Variants in PARD3B observed in about 807,000 individuals in gnomAD.
PARD3B encodes the protein par-3 family cell polarity regulator beta, also known as partitioning defective 3 homolog B.
A neutral mutation model predicts 130.2 loss-of-function variants in PARD3B; 103 were observed. The ratio of observed to expected loss-of-function variants is 0.79; its 90% CI spans 0.67 to 0.93. PARD3B has a LOEUF of 0.93. Ranked by LOEUF, PARD3B falls within the 40% of genes least tolerant of loss-of-function variation. The probability of loss-of-function intolerance (pLI) is 0.00; values close to 1 mark genes in which losing one functional copy is unlikely to be tolerated. For missense variants in PARD3B, 1,609 were observed against 1,499.2 expected, an observed-to-expected ratio of 1.07 and a Z score of -1.21; for synonymous variants, 583 against 553.2, an observed-to-expected ratio of 1.05 and a Z score of -0.76.
chr2:205,392,289 G>A (rs920630767), intron 18 of PARD3B, among the ~76,000 whole-genome samples: 3 of 152,246 alleles, frequency 2.0e-5, no homozygotes, highest in East Asian at 3.9e-4. Context: ...CAACATATTT[G>A]AGATCTGAAG....
chr2:205,009,242 C>T (rs540152261), intron 3 of PARD3B, among the ~76,000 whole-genome samples: 76 of 151,860 alleles, frequency 5.0e-4, no homozygotes, highest in South Asian at 8.3e-4. Flanking sequence ...GACTAGAGTT[C>T]GAAATGTTTT....
intron 2 of PARD3B, among the ~76,000 whole-genome samples, chr2:204,944,369 G>A (rs191826378): frequency 1.1e-4 from 16 of 152,154 alleles, no homozygotes; most frequent in Admixed American, 7.2e-4. Context: ...CCCAGCTCCC[G>A]CTAGGATACC....
intron 15 of PARD3B, among the ~76,000 whole-genome samples, chr2:205,209,480 T>A (rs1271566900): frequency 6.6e-6 from 1 of 152,098 alleles, no homozygotes; most frequent in Non-Finnish European, 1.5e-5. Flanking sequence ...AACAAAATAC[T>A]TAAGTTCTCC....
At position 205,121,561 on chromosome 2, in the gene PARD3B, T is replaced by G. The variant is rs781175498; in HGVS notation, c.807-30T>G. ...GAAGATGCTGCACCTCAAAGCAGGG[T>G]CATCATACATTTATCAACTTTCTTT... On this transcript the variant is annotated intron_variant, in intron 7 of 22. Coordinates refer to ENST00000406610, the MANE Select transcript of PARD3B (RefSeq NM_001302769.2). This position sits in a 1 kb window ranked among gnomAD's most constrained non-coding sequence, Gnocchi z 5.0. 1 of 1,588,554 alleles carries G rather than the reference T, an allele frequency of 6.3e-7. No individual in the cohort carries two copies. Among genetic ancestry groups the G allele is most frequent in the South Asian group, 1.1e-5 (1 of 88,886 alleles).
chr2:205,572,019 C>T lies in PARD3B; in HGVS notation c.3260+18616C>T, dbSNP rs768420174. 2.0e-5 allele frequency among the ~76,000 whole-genome samples: 3 copies of T among 152,118 alleles called. No individual in the cohort carries two copies. The highest frequency in any genetic ancestry group is 2.1e-4 in the South Asian group (1 of 4,816). ...GGTGAGCATGGGAAATTGGAGCAGTCGAGCTGTGGAGTTATTTTGTTTATT... is the reference window on the plus strand; with the variant it reads ...GGTGAGCATGGGAAATTGGAGCAGTTGAGCTGTGGAGTTATTTTGTTTATT... On this transcript the variant is annotated intron_variant, in intron 22 of 22. Coordinates refer to ENST00000406610, the MANE Select transcript of PARD3B (RefSeq NM_001302769.2). This position sits in a 1 kb window ranked among gnomAD's most constrained non-coding sequence, Gnocchi z 4.2.
At chr2:205,567,137 C>A (rs72935878) in intron 22 of PARD3B, among the ~76,000 whole-genome samples, 48,144 of 151,694 alleles carry the variant, frequency 0.32, 8,539 homozygotes, top group East Asian at 0.45. Flanking sequence ...CCAATTTACT[C>A]TCAAATGGCT....
chr2:204,853,738 G>T (rs2044805015), intron 2 of PARD3B, among the ~76,000 whole-genome samples: 1 of 152,218 alleles, frequency 6.6e-6, no homozygotes, highest in Non-Finnish European at 1.5e-5. Context: ...GTTGCTAGAA[G>T]CTGAGGAGTC....
intron 2 of PARD3B, among the ~76,000 whole-genome samples, chr2:204,867,076 AAAAT>A (rs2045453737): frequency 6.6e-6 from 1 of 152,174 alleles, no homozygotes; most frequent in South Asian, 2.1e-4. Context: ...TCTGTCGCAA[AAAAT>A]AAATAAATAA....
Position 205,142,124 on chromosome 2 carries a change from A to T in PARD3B, c.1434+16387A>T, listed in dbSNP as rs1011322148. Among the ~76,000 whole-genome samples, 1 of 152,180 alleles carries T rather than the reference A, an allele frequency of 6.6e-6. No individual in the cohort carries two copies. The highest frequency in any genetic ancestry group is 1.5e-5 in the Non-Finnish European group (1 of 68,044). ...GATTAGTGCTATGCTTTTATTATGT[A>T]TAGAGTGTTTTGAAGACCTAGATGA... On this transcript the variant is annotated intron_variant, in intron 10 of 22. Transcript: ENST00000406610. This position sits in a 1 kb window ranked among gnomAD's most constrained non-coding sequence, Gnocchi z 4.3.
chr2:205,294,515 C>A (rs1289905075), intron 16 of PARD3B, among the ~76,000 whole-genome samples: 1 of 152,116 alleles, frequency 6.6e-6, no homozygotes. Flanking sequence ...TATAGCAATA[C>A]TTGGCAAACA....
intron 3 of PARD3B, among the ~76,000 whole-genome samples, chr2:205,012,839 A>G (rs1177278022): frequency 6.6e-6 from 1 of 152,254 alleles, no homozygotes; most frequent in African/African-American, 2.4e-5. Context: ...AGGTGAAACC[A>G]CTAAAGTCCT....
chr2:205,092,657 A>G (rs775526561), intron 4 of PARD3B, among the ~76,000 whole-genome samples: 8 of 152,154 alleles, frequency 5.3e-5, no homozygotes, highest in Non-Finnish European at 7.3e-5. Context: ...GAGGAGAGGA[A>G]TATCGAGCAA....
intron 2 of PARD3B, among the ~76,000 whole-genome samples, chr2:204,841,834 A>AT (rs1275256004): frequency 2.0e-5 from 3 of 151,960 alleles, no homozygotes; most frequent in Non-Finnish European, 4.4e-5. Context: ...TAATTAGCTA[A>AT]TTTTTTTGCA....
In PARD3B at chr2:204,623,390, A is replaced by G. The variant is rs1445637808; in HGVS notation, c.121-62791A>G. On this transcript the variant is annotated intron_variant, in intron 1 of 22. Coordinates refer to ENST00000406610, the MANE Select transcript of PARD3B (RefSeq NM_001302769.2). This position sits in a 1 kb window ranked among gnomAD's most constrained non-coding sequence, Gnocchi z 4.5. ...AGGAACTATTCTACCATATTCTACC[A>G]TCACAAAAACCTCCCTCGTGCCACC... 1.3e-5 allele frequency among the ~76,000 whole-genome samples: 2 copies of G among 152,108 alleles called. No individual in the cohort carries two copies. The highest frequency in any genetic ancestry group is 6.6e-5 in the Admixed American group (1 of 15,252).
intron 18 of PARD3B, among the ~76,000 whole-genome samples, chr2:205,344,076 T>C (rs925661679): frequency 6.6e-6 from 1 of 152,022 alleles, no homozygotes; most frequent in African/African-American, 2.4e-5. Context: ...AATTAGAGCT[T>C]CCAGCGGATA....
chr2:205,434,389 A>T (rs1393650976), intron 19 of PARD3B, among the ~76,000 whole-genome samples: 1 of 152,186 alleles, frequency 6.6e-6, no homozygotes, highest in Non-Finnish European at 1.5e-5. Context: ...TGAATAAATT[A>T]ATCTGTCAAC....
chr2:205,524,346 C>T (rs1322640186), intron 21 of PARD3B, among the ~76,000 whole-genome samples: 1 of 152,190 alleles, frequency 6.6e-6, no homozygotes, highest in Non-Finnish European at 1.5e-5. Context: ...CAAACCTCAA[C>T]ATCAGGACTG....
rs1390917457 is a variant in PARD3B at position 205,550,891 on chromosome 2, TATAC to T, written c.3181-2429_3181-2426del. Among the ~76,000 whole-genome samples, 5 of 147,766 alleles carry T rather than the reference TATAC, an allele frequency of 3.4e-5. No individual in the cohort carries two copies. Among genetic ancestry groups the T allele is most frequent in the East Asian group, 2.0e-4 (1 of 5,110 alleles). On this transcript the variant is annotated intron_variant, in intron 21 of 22. Transcript: ENST00000406610. This position sits in a 1 kb window ranked among gnomAD's most constrained non-coding sequence, Gnocchi z 4.5. Reference sequence around the variant, plus strand: ...GTATATATGTATATTTGTATGTATATATACATAATCATGTTATAAATACATATAA... The same window carrying T: ...GTATATATGTATATTTGTATGTATATATAATCATGTTATAAATACATATAA...
chr2:204,797,736 A>G (rs2042425092), intron 2 of PARD3B, among the ~76,000 whole-genome samples: 1 of 152,212 alleles, frequency 6.6e-6, no homozygotes, highest in South Asian at 2.1e-4. Flanking sequence ...AAATTTTTTA[A>G]ATGACGTTTA....
Sources: gnomAD v4.1 joint callset for allele counts (sites outside exome capture counted in the v4.1 genomes callset) on GRCh38, gnomAD v4.1.1 for gene constraint, Gnocchi (gnomAD v3.1) non-coding constraint, MANE v1.5 for transcripts, NCBI Gene and HGNC (gene_info 2026-07-23, HGNC 2026-07-21) for gene names.